The following C21orf58 variants were observed in gnomAD, a reference collection of about 807,000 sequenced individuals.
The protein encoded by C21orf58 is uncharacterized protein C21orf58.
Under a neutral mutation model 35.8 loss-of-function variants are expected in C21orf58, and 34 were observed. That is an observed-to-expected ratio of 0.95 (90% CI 0.72 to 1.26). The LOEUF is 1.26. C21orf58 is among the 50% of genes most tolerant of loss of function. The pLI, the probability that C21orf58 is intolerant of heterozygous loss-of-function variation, is 0.00. For synonymous variants in C21orf58, 191 were observed against 175.8 expected (o/e 1.09, Z -0.68); for missense variants, 440 against 414.3 (o/e 1.06, Z -0.54).
At chr21:46,300,901 TAAAGA>T (rs1228105340), downstream of C21orf58, 13 of 956,438 alleles carry the variant, frequency 1.4e-5, no homozygotes, top group African/African-American at 1.8e-5. Context: ...TAACAAAAAG[TAAAGA>T]AAAGAAATAG....
intron 6 of C21orf58, among the ~76,000 whole-genome samples, chr21:46,309,005 G>A (rs2082549464): frequency 6.6e-6 from 1 of 152,106 alleles, no homozygotes; most frequent in African/African-American, 2.4e-5. Flanking sequence ...TGTAAGAAAT[G>A]AATTTCTTTT....
At chr21:46,306,069 C>CAA (rs34976693) in intron 6 of C21orf58, among the ~76,000 whole-genome samples, 2 of 122,446 alleles carry the variant, frequency 1.6e-5, no homozygotes, top group South Asian at 2.6e-4. Flanking sequence ...CACTGTGACT[C>CAA]AAAAAAAAAA....
intron 6 of C21orf58, among the ~76,000 whole-genome samples, chr21:46,307,759 G>C (rs992566098): frequency 2.6e-5 from 4 of 152,252 alleles, no homozygotes; most frequent in Admixed American, 6.5e-5. Flanking sequence ...TTTGAGGACA[G>C]CTGTCAGGTG....
At chr21:46,315,813 G>T (rs1015458647) in intron 3 of C21orf58, among the ~76,000 whole-genome samples, 3 of 152,168 alleles carry the variant, frequency 2.0e-5, no homozygotes, top group African/African-American at 7.2e-5. Flanking sequence ...CTGGAAGGGA[G>T]GCTGAAATGA....
At position 46,314,789 on chromosome 21, in the gene C21orf58, G is replaced by A. The variant is rs1280100756; in HGVS notation, c.536C>T (p.Pro179Leu). 6.5e-7 allele frequency: 1 copy of A among 1,533,736 alleles called. No homozygotes were observed. The change falls in exon 5 of 8, where the codon CCC becomes CTC. Residue 179 changes from proline (P) to leucine (L), a missense_variant. Physicochemically the swap from Pro to Leu is moderately conservative, Grantham distance 98. Coordinates refer to ENST00000291691, the MANE Select transcript of C21orf58 (RefSeq NM_058180.5). Reference sequence around the variant, plus strand: ...GGCAGTGGGTAGGATGCCCGTGGGGGGCAGCTCTGGGGGCAGGGCTGACCC... The same window carrying A: ...GGCAGTGGGTAGGATGCCCGTGGGGAGCAGCTCTGGGGGCAGGGCTGACCC... Reference protein sequence around the residue: ...ALGSALPPELPPTGILPTASP... With the variant: ...ALGSALPPELLPTGILPTASP...
intron 6 of C21orf58, among the ~76,000 whole-genome samples, chr21:46,303,745 A>ATATATATATAT (rs2082273893): frequency 4.2e-5 from 1 of 23,820 alleles, no homozygotes; most frequent in Non-Finnish European, 7.1e-5. Context: ...ATATATATAT[A>ATATATATATAT]TTTTTTTTTT....
At position 46,317,081 on chromosome 21, in the gene C21orf58, C is replaced by T. The variant is rs549359359; in HGVS notation, c.370+127G>A. 3.8e-5 allele frequency: 28 copies of T among 734,120 alleles called. No individual in the cohort carries two copies. The African/African-American group carries it at 4.4e-4, about 12-fold the overall frequency. The allele number at this position is 734,120 out of a possible 1,614,324, so 45.5% of individuals were successfully genotyped here. A position where few individuals can be genotyped will look rare whatever the true frequency, so the allele number is the denominator to read the frequency against. On this transcript the variant is annotated intron_variant, in intron 3 of 7. Coordinates refer to ENST00000291691, the MANE Select transcript of C21orf58 (RefSeq NM_058180.5). ...AAAGGAAAAGCGTTGAGGACAATCT[C>T]GCCGGTACCAGGAGTGGGGGTGATT...
intron 6 of C21orf58, among the ~76,000 whole-genome samples, chr21:46,310,994 C>T (rs2082659933): frequency 6.6e-6 from 1 of 151,892 alleles, no homozygotes; most frequent in Non-Finnish European, 1.5e-5. Context: ...GCCTCAGCCT[C>T]CCAAGTAGCT....
intron 6 of C21orf58, among the ~76,000 whole-genome samples, chr21:46,308,008 T>C (rs563105651): frequency 2.6e-4 from 39 of 152,158 alleles, no homozygotes; most frequent in African/African-American, 9.2e-4. Flanking sequence ...TTTTTTTCTT[T>C]TTTGAGACAG....
At position 46,322,778 on chromosome 21, in the gene C21orf58, A is replaced by T; in HGVS notation, c.-40T>A. On this transcript the variant is annotated 5_prime_UTR_variant, in exon 1 of 8. Transcript: ENST00000291691. ...GGCGTCGCAGCGAGACTGTCTCAAAAAAAGAAAAAAAATTCTGAGCGAGAT... is the reference window on the plus strand; with the variant it reads ...GGCGTCGCAGCGAGACTGTCTCAAATAAAGAAAAAAAATTCTGAGCGAGAT... 1.4e-5 allele frequency: 19 copies of T among 1,344,718 alleles called. No homozygotes were observed. Among genetic ancestry groups the T allele is most frequent in the Non-Finnish European group, 1.9e-5 (19 of 1,015,988 alleles). The allele number at this position is 1,344,718 out of a possible 1,614,324, so 83.3% of individuals were successfully genotyped here. A position where few individuals can be genotyped will look rare whatever the true frequency, so the allele number is the denominator to read the frequency against.
At chr21:46,300,948 C>T (rs2082086292), downstream of C21orf58, among the ~76,000 whole-genome samples, 1 of 152,066 alleles carries the variant, frequency 6.6e-6, no homozygotes. Context: ...GTAAGAAACC[C>T]CACAGCACAG....
chr21:46,308,747 T>C (rs577986240), intron 6 of C21orf58, among the ~76,000 whole-genome samples: 4 of 152,184 alleles, frequency 2.6e-5, no homozygotes, highest in Non-Finnish European at 5.9e-5. Flanking sequence ...ACTTGGATCA[T>C]GAGGGCTCTG....
chr21:46,310,961 C>T (rs1218029561), intron 6 of C21orf58, among the ~76,000 whole-genome samples: 1 of 151,924 alleles, frequency 6.6e-6, no homozygotes, highest in African/African-American at 2.4e-5. Flanking sequence ...ACCTCCGCCT[C>T]CCAGGTTCAA....
chr21:46,307,373 T>C (rs377527767), intron 6 of C21orf58, among the ~76,000 whole-genome samples: 1 of 151,730 alleles, frequency 6.6e-6, no homozygotes, highest in African/African-American at 2.4e-5. Context: ...AGGCACACAC[T>C]CACCCATTCA....
intron 5 of C21orf58, chr21:46,313,135 T>G: frequency 2.3e-6 from 2 of 869,198 alleles, no homozygotes; most frequent in Non-Finnish European, 2.8e-6. Context: ...CCGTCAGCTC[T>G]TGAGTTGGCC....
chr21:46,307,187 C>T (rs531367537), intron 6 of C21orf58, among the ~76,000 whole-genome samples: 7 of 150,906 alleles, frequency 4.6e-5, no homozygotes, highest in South Asian at 2.1e-4. Context: ...TGAGCCGCTG[C>T]GCCCAGCCAA....
intron 4 of C21orf58, 146 bp from the exon 5 acceptor site, chr21:46,315,026 G>A (rs1282347185): frequency 1.3e-6 from 2 of 1,543,492 alleles, no homozygotes; most frequent in African/African-American, 2.7e-5. Flanking sequence ...ACCCTTCCAG[G>A]GTTATGTGCA....
chr21:46,303,724 TATATATATA>T (rs2082248424), intron 6 of C21orf58, among the ~76,000 whole-genome samples: 1 of 23,892 alleles, frequency 4.2e-5, no homozygotes, highest in Non-Finnish European at 8.1e-5. Context: ...TATATATATA[TATATATATA>T]TATATATATA....
chr21:46,314,240 G>A (rs768503918), intron 5 of C21orf58, among the ~76,000 whole-genome samples: 1 of 151,718 alleles, frequency 6.6e-6, no homozygotes, highest in Non-Finnish European at 1.5e-5. Context: ...ACCACGCCCA[G>A]CTAATTTTTG....
Sources: gnomAD v4.1 joint callset for allele counts (sites outside exome capture counted in the v4.1 genomes callset) on GRCh38, gnomAD v4.1.1 for gene constraint, MANE v1.5 for transcripts, NCBI Gene and HGNC (gene_info 2026-07-23, HGNC 2026-07-21) for gene names.